Variants in MEIG1 observed in about 807,000 individuals in gnomAD.
MEIG1 encodes the protein meiosis expressed gene 1 protein homolog.
Under a neutral mutation model 11.3 loss-of-function variants are expected in MEIG1, and 12 were observed. The ratio of observed to expected loss-of-function variants is 1.07; its 90% CI spans 0.68 to 1.73. The LOEUF is 1.73. MEIG1 is among the 40% of genes most tolerant of loss of function. The pLI, the probability that MEIG1 is intolerant of heterozygous loss-of-function variation, is 0.00. For missense variants in MEIG1, 119 were observed against 104.9 expected (o/e 1.13, Z -0.59); for synonymous variants, 41 against 33.2 (o/e 1.24, Z -0.81).
At chr10:14,964,595 A>G (rs61842860) in intron 1 of MEIG1, among the ~76,000 whole-genome samples, 60,621 of 104,338 alleles carry the variant, frequency 0.58, 17,599 homozygotes, top group Non-Finnish European at 0.64. Context: ...GTATATATAT[A>G]TATATATATA....
chr10:14,962,109 T>G (rs1843021763), intron 1 of MEIG1, among the ~76,000 whole-genome samples: 1 of 152,180 alleles, frequency 6.6e-6, no homozygotes, highest in Admixed American at 6.6e-5. Context: ...AGCCATTAAA[T>G]GTATTTTTTA....
chr10:14,961,035 A>C (rs1843006428), intron 1 of MEIG1, among the ~76,000 whole-genome samples: 1 of 152,158 alleles, frequency 6.6e-6, no homozygotes. Context: ...ATCTCAAAAA[A>C]ATAATAAATA....
chr10:14,978,148 A>C (rs936436319), intron 1 of MEIG1, among the ~76,000 whole-genome samples: 8 of 151,802 alleles, frequency 5.3e-5, no homozygotes, highest in African/African-American at 1.9e-4. Context: ...TACTCCTAAT[A>C]TCACACCCTG....
intron 2 of MEIG1, among the ~76,000 whole-genome samples, chr10:14,972,140 G>A (rs1464484408): frequency 6.6e-6 from 1 of 151,716 alleles, no homozygotes; most frequent in African/African-American, 2.4e-5. Flanking sequence ...TCAGCCCCCT[G>A]AGTACCTGGG....
downstream of MEIG1, among the ~76,000 whole-genome samples, chr10:14,973,424 G>A (rs888906212): frequency 1.3e-5 from 2 of 152,008 alleles, no homozygotes; most frequent in African/African-American, 4.8e-5. Flanking sequence ...AAGGAATAAT[G>A]CCCCCCATGG....
rs746652906 is a variant in MEIG1, at chr10:14,972,671, T to C, written c.*30T>C. ...TCTTCTTTGTATTACTTGTCAATTA[T>C]ATTTTAAGTATTCATCATTTCCTTC... On this transcript the variant is annotated 3_prime_UTR_variant, in exon 3 of 3. Transcript: ENST00000407572. 1.3e-6 allele frequency: 2 copies of C among 1,536,686 alleles called. No homozygotes were observed. The highest frequency in any genetic ancestry group is 1.8e-6 in the Non-Finnish European group (2 of 1,137,694).
chr10:14,978,154 C>A lies in MEIG1; in HGVS notation n.66+5534C>A, dbSNP rs1329014451. 3.3e-5 allele frequency among the ~76,000 whole-genome samples: 5 copies of A among 151,870 alleles called. No homozygotes were observed. In the East Asian group the frequency reaches 9.7e-4, roughly 29 times the overall value. ...GGAAGAGGTTACTCCTAATATCACA[C>A]CCTGTGATACCACTCGCAATATCCA... is the stretch of plus-strand genomic sequence containing the variant. On this transcript the variant is annotated intron_variant and non_coding_transcript_variant, in intron 1 of 2. Transcript: ENST00000467536.
intron 1 of MEIG1, among the ~76,000 whole-genome samples, chr10:14,964,954 A>G (rs1843062658): frequency 6.6e-6 from 1 of 151,716 alleles, no homozygotes; most frequent in African/African-American, 2.4e-5. Context: ...TGCCTGGCTA[A>G]TTTTGTATTT....
upstream of MEIG1, among the ~76,000 whole-genome samples, chr10:14,955,843 A>C (rs1010918296): frequency 6.6e-6 from 1 of 152,218 alleles, no homozygotes. Flanking sequence ...TATACACAAC[A>C]TAATCACTAA....
At chr10:14,956,916 G>C (rs1328004629), upstream of MEIG1, among the ~76,000 whole-genome samples, 1 of 152,074 alleles carries the variant, frequency 6.6e-6, no homozygotes, top group Non-Finnish European at 1.5e-5. Flanking sequence ...GAATTAGCCG[G>C]GTGTGGTGGT....
chr10:14,974,779 TATTC>T (rs1173215592), downstream of MEIG1, among the ~76,000 whole-genome samples: 4 of 152,094 alleles, frequency 2.6e-5, no homozygotes, highest in Admixed American at 6.6e-5. Context: ...ATATTGATCT[TATTC>T]ATTAGAAAAC....
chr10:14,964,487 T>C (rs941086336), intron 1 of MEIG1, among the ~76,000 whole-genome samples: 7 of 151,620 alleles, frequency 4.6e-5, no homozygotes, highest in African/African-American at 1.5e-4. Flanking sequence ...GCATGATTTT[T>C]ACCCAGTATG....
chr10:14,961,211 A>G (rs1843008613), intron 1 of MEIG1, among the ~76,000 whole-genome samples: 1 of 152,206 alleles, frequency 6.6e-6, no homozygotes, highest in Admixed American at 6.5e-5. Context: ...CCTATTTTAT[A>G]ATAAAGTGTT....
chr10:14,986,041 C>G (rs969431834), intron 1 of MEIG1, among the ~76,000 whole-genome samples: 4 of 152,052 alleles, frequency 2.6e-5, no homozygotes, highest in Non-Finnish European at 4.4e-5. Context: ...AGTGGGTGTA[C>G]CCCATGTGTG....
At chr10:14,976,530 C>G (rs1051522007), downstream of MEIG1, among the ~76,000 whole-genome samples, 1 of 151,976 alleles carries the variant, frequency 6.6e-6, no homozygotes, top group African/African-American at 2.4e-5. Context: ...TACACCTTGT[C>G]AAATCACTCG....
chr10:14,955,035 G>A (rs1290560943), upstream of MEIG1, among the ~76,000 whole-genome samples: 1 of 152,166 alleles, frequency 6.6e-6, no homozygotes. Flanking sequence ...GGGTTCAGGC[G>A]ATTCTCCTGC....
At chr10:14,966,086 T>G (rs1843080156) in intron 1 of MEIG1, among the ~76,000 whole-genome samples, 1 of 148,820 alleles carries the variant, frequency 6.7e-6, no homozygotes, top group African/African-American at 2.5e-5. Context: ...TTTTTTGAGA[T>G]GGAGTCTTGC....
intron 2 of MEIG1, chr10:14,987,422 C>G: frequency 1.4e-6 from 1 of 729,424 alleles, no homozygotes; most frequent in East Asian, 2.6e-5. Context: ...TTCTCAGACA[C>G]CTGTGAGATT....
chr10:14,967,526 A>G (rs1208688759), intron 2 of MEIG1, among the ~76,000 whole-genome samples: 2 of 147,912 alleles, frequency 1.4e-5, no homozygotes, highest in Non-Finnish European at 3.0e-5. Flanking sequence ...TTTTTTTGAG[A>G]CAGAGTCTCA....
Sources: gnomAD v4.1 joint callset for allele counts (sites outside exome capture counted in the v4.1 genomes callset) on GRCh38, gnomAD v4.1.1 for gene constraint, MANE v1.5 for transcripts, NCBI Gene and HGNC (gene_info 2026-07-23, HGNC 2026-07-21) for gene names.